KIRREL3: variants seen among roughly 807,000 people sequenced by gnomAD.
KIRREL3 encodes the protein kin of IRRE-like protein 3.
A neutral mutation model predicts 89.7 loss-of-function variants in KIRREL3; 36 were observed. The observed-to-expected ratio is 0.40, with a 90% confidence interval of 0.31 to 0.53. KIRREL3 has a LOEUF of 0.53. Ranked by LOEUF, KIRREL3 falls within the 20% of genes least tolerant of loss-of-function variation. The pLI is 0.49. For synonymous variants in KIRREL3, 445 were observed against 441.4 expected, an observed-to-expected ratio of 1.01 and a Z score of -0.10; for missense variants, 864 against 1,056.6, an observed-to-expected ratio of 0.82 and a Z score of 2.53.
intron 1 of KIRREL3, among the ~76,000 whole-genome samples, chr11:126,598,484 G>A (rs1255324679): frequency 6.6e-6 from 1 of 152,156 alleles, no homozygotes; most frequent in Non-Finnish European, 1.5e-5. Flanking sequence ...TCACCTGGGA[G>A]GTGCACCTCT....
At chr11:126,449,347 C>T (rs1310498558) in intron 7 of KIRREL3, among the ~76,000 whole-genome samples, 190 bp from the exon 8 acceptor site, 1 of 152,224 alleles carries the variant, frequency 6.6e-6, no homozygotes, top group African/African-American at 2.4e-5. Context: ...GTTTTGCTCC[C>T]ACCCAGGTGG....
chr11:126,897,780 T>G lies in KIRREL3; in HGVS notation c.55+102675A>C, dbSNP rs1946224567. Among the ~76,000 whole-genome samples the G allele has an allele frequency of 6.6e-6, 1 of 152,208 alleles. No individual in the cohort carries two copies. The highest frequency in any genetic ancestry group is 6.5e-5 in the Admixed American group (1 of 15,276). ...CCATTTTATTCTCATGAAAAAGAAT[T>G]TAATGACCCTCTGATATAAAATTGA... On this transcript the variant is annotated intron_variant, in intron 1 of 16. Transcript: ENST00000525144. This position sits in a 1 kb window ranked among gnomAD's most constrained non-coding sequence, Gnocchi z 4.2.
rs747750762 is a variant in KIRREL3 at position 126,994,789 on chromosome 11, G to A, written c.55+5666C>T. Among the ~76,000 whole-genome samples the A allele has an allele frequency of 5.3e-5, 8 of 152,278 alleles. No homozygotes were observed. The highest frequency in any genetic ancestry group is 1.5e-5 in the Non-Finnish European group (1 of 68,020). ...CCCTCTTGTGACCCTTGGCTCTATG[G>A]CACAGTGTGCTTTCTGAGAGGACTG... On this transcript the variant is annotated intron_variant, in intron 1 of 16. Coordinates refer to ENST00000525144, the MANE Select transcript of KIRREL3 (RefSeq NM_032531.4). This position sits in a 1 kb window ranked among gnomAD's most constrained non-coding sequence, Gnocchi z 5.2.
chr11:126,853,299 C>T (rs1043421691), intron 1 of KIRREL3, among the ~76,000 whole-genome samples: 15 of 152,172 alleles, frequency 9.9e-5, no homozygotes, highest in Non-Finnish European at 1.6e-4. Context: ...ATATAGGAAA[C>T]TTGGCTTTCC....
chr11:126,697,728 G>T lies in KIRREL3; in HGVS notation c.56-134816C>A, dbSNP rs582414. On this transcript the variant is annotated intron_variant, in intron 1 of 16. Coordinates refer to ENST00000525144, the MANE Select transcript of KIRREL3 (RefSeq NM_032531.4). This position sits in a 1 kb window ranked among gnomAD's most constrained non-coding sequence, Gnocchi z 4.2. ...TTCAGCCTCACTTGCCGGGGACTCA[G>T]CTTCTCCCGGGGCCTCCGGGTGGGT... Among the ~76,000 whole-genome samples the T allele has an allele frequency of 6.6e-6, 1 of 152,232 alleles. No homozygotes were observed. Among genetic ancestry groups the T allele is most frequent in the Non-Finnish European group, 1.5e-5 (1 of 68,050 alleles).
chr11:126,436,053 G>T (rs577989694), intron 12 of KIRREL3, among the ~76,000 whole-genome samples: 2 of 152,318 alleles, frequency 1.3e-5, no homozygotes, highest in Middle Eastern at 6.8e-3. Context: ...CCATCCTGTT[G>T]TCTGTGCCTG....
intron 1 of KIRREL3, among the ~76,000 whole-genome samples, chr11:126,916,320 A>G (rs148981872): frequency 4.5e-4 from 69 of 152,306 alleles, no homozygotes; most frequent in African/African-American, 1.5e-3. Flanking sequence ...AGAGTCACCC[A>G]AAGGATTTAT....
chr11:126,426,196 T>C (rs975312148), intron 15 of KIRREL3, among the ~76,000 whole-genome samples: 1 of 152,258 alleles, frequency 6.6e-6, no homozygotes, highest in African/African-American at 2.4e-5. Flanking sequence ...GCAAGGCTCC[T>C]TAGGGCAGTT....
chr11:126,957,669 G>A (rs764097464), intron 1 of KIRREL3, among the ~76,000 whole-genome samples: 3 of 152,208 alleles, frequency 2.0e-5, no homozygotes, highest in Non-Finnish European at 4.4e-5. Context: ...GGTTGGACGT[G>A]TTGTAGGGAG....
chr11:126,816,693 G>T (rs1951583958), intron 1 of KIRREL3, among the ~76,000 whole-genome samples: 1 of 152,140 alleles, frequency 6.6e-6, no homozygotes, highest in Non-Finnish European at 1.5e-5. Flanking sequence ...AACCCCATCT[G>T]CACCCCAGCA....
intron 1 of KIRREL3, among the ~76,000 whole-genome samples, chr11:126,618,606 T>A (rs1386893192): frequency 6.6e-6 from 1 of 152,214 alleles, no homozygotes; most frequent in Non-Finnish European, 1.5e-5. Context: ...GGCTAATTTT[T>A]ATGTCTTTAG....
At chr11:126,713,767 C>T (rs762683926) in intron 1 of KIRREL3, among the ~76,000 whole-genome samples, 1 of 151,930 alleles carries the variant, frequency 6.6e-6, no homozygotes, top group African/African-American at 2.4e-5. Flanking sequence ...CAGAAGTGGG[C>T]GAGACCTCCT....
chr11:126,987,798 T>C lies in KIRREL3; in HGVS notation c.55+12657A>G, dbSNP rs532830976. ...CTTTGAAAACGTCAAAGAACTTTCATGTTTTGCTAGTTTATCATAAGTGTC... is the reference window on the plus strand; with the variant it reads ...CTTTGAAAACGTCAAAGAACTTTCACGTTTTGCTAGTTTATCATAAGTGTC... On this transcript the variant is annotated intron_variant, in intron 1 of 16. Transcript: ENST00000525144. The surrounding 1 kb of genome is among the most constrained non-coding windows in gnomAD (Gnocchi z 4.6). Among the ~76,000 whole-genome samples, 2 of 152,380 alleles carry C rather than the reference T, an allele frequency of 1.3e-5. No individual in the cohort carries two copies. Among genetic ancestry groups the C allele is most frequent in the East Asian group, 1.9e-4 (1 of 5,186 alleles).
intron 2 of KIRREL3, among the ~76,000 whole-genome samples, chr11:126,549,070 A>G (rs1939048267): frequency 6.6e-6 from 1 of 152,178 alleles, no homozygotes; most frequent in African/African-American, 2.4e-5. Flanking sequence ...GCTCTTTAGT[A>G]CTAAGAATAG....
At position 126,906,433 on chromosome 11, in the gene KIRREL3, G is replaced by A. The variant is rs1946584709; in HGVS notation, c.55+94022C>T. ...AAGGAACGGAAGTATTAGCAGCAAG[G>A]TTACTCCCAAAGAGACATGTTACAG... On this transcript the variant is annotated intron_variant, in intron 1 of 16. Coordinates refer to ENST00000525144, the MANE Select transcript of KIRREL3 (RefSeq NM_032531.4). The surrounding 1 kb of genome is among the most constrained non-coding windows in gnomAD (Gnocchi z 4.1). Among the ~76,000 whole-genome samples the A allele has an allele frequency of 6.6e-6, 1 of 152,142 alleles. No homozygotes were observed. Among genetic ancestry groups the A allele is most frequent in the Non-Finnish European group, 1.5e-5 (1 of 68,026 alleles).
intron 1 of KIRREL3, among the ~76,000 whole-genome samples, chr11:126,658,089 G>A (rs1295261424): frequency 6.6e-6 from 1 of 152,154 alleles, no homozygotes; most frequent in Non-Finnish European, 1.5e-5. Flanking sequence ...CTTCTCCTTT[G>A]AATCTCTTCT....
chr11:126,447,429 A>G (rs1375750666), intron 8 of KIRREL3, among the ~76,000 whole-genome samples: 1 of 152,168 alleles, frequency 6.6e-6, no homozygotes, highest in Non-Finnish European at 1.5e-5. Flanking sequence ...TCTGAGATGC[A>G]GGGTGATGGA....
chr11:126,613,222 G>A (rs973409133), intron 1 of KIRREL3, among the ~76,000 whole-genome samples: 5 of 152,130 alleles, frequency 3.3e-5, no homozygotes, highest in African/African-American at 1.2e-4. Flanking sequence ...CATCATTTCA[G>A]GGGTCCCAGA....
Position 126,429,356 on chromosome 11 carries a change from G to A in KIRREL3, c.1697-68C>T. ...TACCTTTGAGATGTCAAGCTCCCTT[G>A]CAGTCCCCTGCCCCTGCCCTGCCAC... On this transcript the variant is annotated intron_variant, in intron 14 of 16. Transcript: ENST00000525144. This position sits in a 1 kb window ranked among gnomAD's most constrained non-coding sequence, Gnocchi z 5.2. 1 of 1,109,804 alleles carries A rather than the reference G, an allele frequency of 9.0e-7. No homozygotes were observed. The highest frequency in any genetic ancestry group is 1.5e-5 in the African/African-American group (1 of 65,330). 68.7% of individuals were successfully genotyped at this position (1,109,804 alleles called of 1,614,324 possible).
Sources: allele counts gnomAD v4.1 joint callset (sites outside exome capture counted in the v4.1 genomes callset), GRCh38; gene constraint gnomAD v4.1.1; non-coding constraint Gnocchi (gnomAD v3.1); transcripts MANE v1.5; gene names NCBI Gene and HGNC (gene_info 2026-07-23, HGNC 2026-07-21).